The following SV2C variants were observed in gnomAD, a reference collection of about 807,000 sequenced individuals.
SV2C encodes the protein synaptic vesicle glycoprotein 2C.
A neutral mutation model predicts 79.7 loss-of-function variants in SV2C; 49 were observed. The ratio of observed to expected loss-of-function variants is 0.61; its 90% CI spans 0.49 to 0.78. The LOEUF (loss-of-function observed/expected upper bound fraction) is 0.78, where lower values mean the gene tolerates loss of function less well. Among genes scored for constraint, SV2C ranks in the 30% least tolerant of loss-of-function variants. The pLI is 0.00. For synonymous variants in SV2C, 334 were observed against 333.2 expected, an observed-to-expected ratio of 1.00 and a Z score of -0.03; for missense variants, 833 against 912.9, an observed-to-expected ratio of 0.91 and a Z score of 1.13.
At chr5:76,101,146 T>G (rs1470549847) in intron 1 of SV2C, among the ~76,000 whole-genome samples, 1 of 151,548 alleles carries the variant, frequency 6.6e-6, no homozygotes, top group Admixed American at 6.6e-5. Flanking sequence ...ATTTGGGGAG[T>G]GGCGAGTGAT....
chr5:76,119,582 C>G (rs2112157430), intron 1 of SV2C, among the ~76,000 whole-genome samples: 1 of 152,124 alleles, frequency 6.6e-6, no homozygotes, highest in Admixed American at 6.5e-5. Context: ...AAATGGAAAC[C>G]CTGAGCCTGC....
chr5:75,998,540 G>A, the SV2C span, among the ~76,000 whole-genome samples: 1 of 152,118 alleles, frequency 6.6e-6, no homozygotes, highest in African/African-American at 2.4e-5. Context: ...CAAGGAAAAT[G>A]TCAAGAGAAT....
the SV2C span, among the ~76,000 whole-genome samples, chr5:75,944,003 A>G: frequency 2.0e-5 from 3 of 152,236 alleles, no homozygotes; most frequent in Non-Finnish European, 2.9e-5. Context: ...AAAATAAGCA[A>G]GAAAACAAAG....
chr5:76,193,996 A>T (rs967741330), intron 2 of SV2C, among the ~76,000 whole-genome samples: 3 of 152,188 alleles, frequency 2.0e-5, no homozygotes, highest in African/African-American at 7.2e-5. Flanking sequence ...ATAAGTGGTT[A>T]TTGATTGAAT....
At chr5:76,165,727 A>C (rs1743026019) in intron 2 of SV2C, among the ~76,000 whole-genome samples, 2 of 152,108 alleles carry the variant, frequency 1.3e-5, no homozygotes, top group Admixed American at 1.3e-4. Context: ...ATATACATTG[A>C]GCTTGGATTT....
the SV2C span, among the ~76,000 whole-genome samples, chr5:75,902,321 A>T: frequency 3.3e-5 from 5 of 152,116 alleles, no homozygotes; most frequent in Admixed American, 3.3e-4. Flanking sequence ...TCACACTAAC[A>T]CATAGGAAAT....
the SV2C span, among the ~76,000 whole-genome samples, chr5:75,996,535 C>A: frequency 1.3e-5 from 2 of 152,098 alleles, no homozygotes; most frequent in Non-Finnish European, 2.9e-5. Context: ...TCATTGGTAG[C>A]TTGATGGGGA....
chr5:76,224,783 A>G (rs773258263), intron 4 of SV2C, among the ~76,000 whole-genome samples: 3 of 152,210 alleles, frequency 2.0e-5, no homozygotes, highest in Non-Finnish European at 4.4e-5. Context: ...AAAAAATTGT[A>G]GAGCTACCCA....
chr5:76,340,576 A>C (rs1056553193), intron 12 of SV2C, among the ~76,000 whole-genome samples: 1 of 152,194 alleles, frequency 6.6e-6, no homozygotes, highest in African/African-American at 2.4e-5. Context: ...TGCAAGGCAC[A>C]CTAATATATC....
At chr5:76,015,991 G>A in the SV2C span, among the ~76,000 whole-genome samples, 2 of 151,894 alleles carry the variant, frequency 1.3e-5, no homozygotes, top group Non-Finnish European at 2.9e-5. Context: ...CTTTTAGAAA[G>A]TAAAGGAATT....
intron 1 of SV2C, among the ~76,000 whole-genome samples, chr5:76,090,310 C>T (rs1250466647): frequency 6.6e-6 from 1 of 152,180 alleles, no homozygotes; most frequent in African/African-American, 2.4e-5. Context: ...TTGCATTGGG[C>T]CCTGCCAATT....
At chr5:76,186,508 A>G (rs1056300095) in intron 2 of SV2C, among the ~76,000 whole-genome samples, 2 of 152,194 alleles carry the variant, frequency 1.3e-5, no homozygotes, top group Non-Finnish European at 2.9e-5. Flanking sequence ...CCTGGCCAAC[A>G]TGGTGAAACC....
chr5:76,066,763 A>T, the SV2C span, among the ~76,000 whole-genome samples: 1 of 151,004 alleles, frequency 6.6e-6, no homozygotes, highest in African/African-American at 2.4e-5. Flanking sequence ...CTTGTTGAAG[A>T]CATGGTCCTC....
At chr5:75,851,944 T>G in the SV2C span, among the ~76,000 whole-genome samples, 1 of 152,192 alleles carries the variant, frequency 6.6e-6, no homozygotes, top group Non-Finnish European at 1.5e-5. Flanking sequence ...ATTACAGACG[T>G]GAGCCACCGC....
At chr5:76,249,357 G>A (rs1392979089) in intron 4 of SV2C, among the ~76,000 whole-genome samples, 2 of 152,142 alleles carry the variant, frequency 1.3e-5, no homozygotes, top group East Asian at 3.9e-4. Context: ...AATGCCTGAT[G>A]CTAGATGTAA....
the SV2C span, among the ~76,000 whole-genome samples, chr5:76,044,959 C>T: frequency 6.6e-6 from 1 of 152,272 alleles, no homozygotes; most frequent in African/African-American, 2.4e-5. Flanking sequence ...GTGGCAATTG[C>T]TTTTTATGTT....
At chr5:75,855,519 T>A in the SV2C span, among the ~76,000 whole-genome samples, 2 of 152,198 alleles carry the variant, frequency 1.3e-5, no homozygotes, top group African/African-American at 4.8e-5. Context: ...AACAAGTGCA[T>A]TGACAGCATT....
At chr5:76,079,301 A>G, upstream of SV2C, 1 of 329,002 alleles carries the variant, frequency 3.0e-6, no homozygotes, top group Non-Finnish European at 6.2e-6. Context: ...AGTCAAACTA[A>G]AATCAAAGAT....
chr5:76,282,749 C>A (rs900804436), intron 4 of SV2C, among the ~76,000 whole-genome samples: 1 of 152,286 alleles, frequency 6.6e-6, no homozygotes, highest in Non-Finnish European at 1.5e-5. Context: ...GTGGCTCACA[C>A]TTGTAATCCC....
Sources: allele counts gnomAD v4.1 joint callset (sites outside exome capture counted in the v4.1 genomes callset), GRCh38; gene constraint gnomAD v4.1.1; transcripts MANE v1.5; gene names NCBI Gene and HGNC (gene_info 2026-07-23, HGNC 2026-07-21).